GRIK2: variants seen among roughly 807,000 people sequenced by gnomAD.
GRIK2 encodes glutamate ionotropic receptor kainate type subunit 2.
GRIK2 carries 32 observed loss-of-function variants against 100.3 expected under a neutral mutation model. The observed-to-expected ratio is 0.32, with a 90% CI of 0.24 to 0.43. The LOEUF (loss-of-function observed/expected upper bound fraction) is 0.43. Among genes scored for constraint, GRIK2 ranks in the 20% least tolerant of loss-of-function variants. The pLI, the probability that GRIK2 is intolerant of heterozygous loss-of-function variation, is 1.00. For synonymous variants in GRIK2, 417 were observed against 389.4 expected, an observed-to-expected ratio of 1.07 and a Z score of -0.83; for missense variants, 843 against 1,114.9, an observed-to-expected ratio of 0.76 and a Z score of 3.47.
chr6:101,433,908 C>T (rs530168792), intron 2 of GRIK2, among the ~76,000 whole-genome samples: 3 of 152,244 alleles, frequency 2.0e-5, no homozygotes, highest in South Asian at 4.2e-4. Flanking sequence ...TTTTATGAGT[C>T]GTACAGGCCA....
chr6:102,043,498 A>T (rs891492861), intron 15 of GRIK2, among the ~76,000 whole-genome samples: 3 of 151,894 alleles, frequency 2.0e-5, no homozygotes. Flanking sequence ...TGTCAGTGAG[A>T]ATATGTGATA....
At chr6:101,857,130 G>A (rs912642171) in intron 10 of GRIK2, among the ~76,000 whole-genome samples, 5 of 152,150 alleles carry the variant, frequency 3.3e-5, no homozygotes, top group Non-Finnish European at 7.3e-5. Flanking sequence ...AAAAAATGGT[G>A]TGGGGACAGC....
chr6:101,973,946 A>G (rs1793213595), intron 14 of GRIK2, among the ~76,000 whole-genome samples: 1 of 152,004 alleles, frequency 6.6e-6, no homozygotes, highest in Non-Finnish European at 1.5e-5. Flanking sequence ...CAACTAATAC[A>G]TAGTAATATA....
At chr6:102,049,684 T>C (rs775834275) in intron 15 of GRIK2, among the ~76,000 whole-genome samples, 1 of 152,138 alleles carries the variant, frequency 6.6e-6, no homozygotes, top group African/African-American at 2.4e-5. Context: ...CAGAAGTGCA[T>C]GTGGGAATAG....
At chr6:101,699,458 C>T (rs962573387) in intron 7 of GRIK2, among the ~76,000 whole-genome samples, 4 of 152,060 alleles carry the variant, frequency 2.6e-5, no homozygotes, top group African/African-American at 9.7e-5. Flanking sequence ...AAGCTATTTC[C>T]AGATCCAGCT....
chr6:102,036,180 T>TTA (rs1215315603), intron 15 of GRIK2, among the ~76,000 whole-genome samples: 2 of 150,672 alleles, frequency 1.3e-5, no homozygotes, highest in African/African-American at 2.4e-5. Flanking sequence ...AAACTCTTGA[T>TTA]TATATATATA....
intron 7 of GRIK2, among the ~76,000 whole-genome samples, chr6:101,755,161 G>GTTTTTTTTTTTTTTTTTTTT (rs1157640683): frequency 9.7e-6 from 1 of 102,958 alleles, no homozygotes; most frequent in Non-Finnish European, 1.8e-5. Context: ...TTTCTTTTTG[G>GTTTTTTTTTTTTTTTTTTTT]TTTTTTTTTT....
At chr6:101,635,957 T>C (rs1183796085) in intron 4 of GRIK2, among the ~76,000 whole-genome samples, 1 of 152,068 alleles carries the variant, frequency 6.6e-6, no homozygotes, top group African/African-American at 2.4e-5. Context: ...TCCTCAAGGA[T>C]CTAGAACCAG....
At chr6:101,453,122 A>G (rs1428515141) in intron 2 of GRIK2, among the ~76,000 whole-genome samples, 2 of 151,892 alleles carry the variant, frequency 1.3e-5, no homozygotes, top group African/African-American at 4.8e-5. Flanking sequence ...AGTGATCTCC[A>G]ATAGATAATG....
intron 2 of GRIK2, among the ~76,000 whole-genome samples, chr6:101,422,617 G>A (rs993284531): frequency 4.0e-5 from 6 of 150,988 alleles, no homozygotes; most frequent in Non-Finnish European, 8.8e-5. Context: ...ATTATTAGAA[G>A]GAAATACTCC....
chr6:101,674,736 T>C (rs1229297473), intron 4 of GRIK2, among the ~76,000 whole-genome samples: 1 of 152,198 alleles, frequency 6.6e-6, no homozygotes, highest in African/African-American at 2.4e-5. Flanking sequence ...CAAAACAAAA[T>C]GTGGTAATAC....
intron 7 of GRIK2, among the ~76,000 whole-genome samples, chr6:101,718,310 C>G (rs1248685487): frequency 2.0e-5 from 3 of 151,654 alleles, no homozygotes; most frequent in African/African-American, 7.3e-5. Flanking sequence ...ACTAGAAAAC[C>G]ATTGGGTGCC....
chr6:101,725,701 G>C (rs923269422), intron 7 of GRIK2, among the ~76,000 whole-genome samples: 139 of 152,088 alleles, frequency 9.1e-4, no homozygotes, highest in African/African-American at 3.3e-3. Context: ...AAGATTAAGT[G>C]TACAATTTTA....
chr6:101,753,136 G>A (rs779039785), intron 7 of GRIK2, among the ~76,000 whole-genome samples: 1 of 151,954 alleles, frequency 6.6e-6, no homozygotes, highest in Non-Finnish European at 1.5e-5. Flanking sequence ...CAAAAAATTA[G>A]CCTGGCGTGG....
chr6:101,469,800 T>G (rs1771849393), intron 2 of GRIK2, among the ~76,000 whole-genome samples: 1 of 152,170 alleles, frequency 6.6e-6, no homozygotes, highest in Non-Finnish European at 1.5e-5. Flanking sequence ...CTGAGGGAAG[T>G]GGGGCGTGAT....
At chr6:101,407,923 C>T (rs1446202987) in intron 2 of GRIK2, among the ~76,000 whole-genome samples, 4 of 152,026 alleles carry the variant, frequency 2.6e-5, no homozygotes, top group African/African-American at 9.7e-5. Context: ...TGCCTGAAAA[C>T]ATTGTGTGGT....
intron 2 of GRIK2, among the ~76,000 whole-genome samples, chr6:101,424,345 A>C (rs1330093093): frequency 7.0e-6 from 1 of 143,860 alleles, no homozygotes; most frequent in Non-Finnish European, 1.5e-5. Context: ...ACAGGCCCTG[A>C]TGTGTGATGT....
At chr6:101,652,321 A>C (rs1168395034) in intron 4 of GRIK2, among the ~76,000 whole-genome samples, 2 of 152,082 alleles carry the variant, frequency 1.3e-5, no homozygotes, top group Non-Finnish European at 2.9e-5. Flanking sequence ...GAGCTAGCTC[A>C]CTCTCCTTCT....
chr6:101,413,180 C>A (rs1392648358), intron 2 of GRIK2, among the ~76,000 whole-genome samples: 1 of 151,914 alleles, frequency 6.6e-6, no homozygotes, highest in Non-Finnish European at 1.5e-5. Flanking sequence ...AACTTGGCTA[C>A]AAAAAATAGC....
Sources: allele counts gnomAD v4.1 joint callset (sites outside exome capture counted in the v4.1 genomes callset), GRCh38; gene constraint gnomAD v4.1.1; transcripts MANE v1.5; gene names NCBI Gene and HGNC (gene_info 2026-07-23, HGNC 2026-07-21).